FAM107B: variants seen among roughly 807,000 people sequenced by gnomAD.
FAM107B encodes the protein family with sequence similarity 107 member B.
Under a neutral mutation model 31.5 loss-of-function variants are expected in FAM107B, and 21 were observed. That is an observed-to-expected ratio of 0.67 (90% confidence interval 0.47 to 0.96). The LOEUF (loss-of-function observed/expected upper bound fraction) is 0.96, where lower values mean the gene tolerates loss of function less well. Among genes scored for constraint, FAM107B ranks in the 40% least tolerant of loss-of-function variants. FAM107B has a pLI of 0.00. For missense variants in FAM107B, 452 were observed against 377.1 expected, an observed-to-expected ratio of 1.20 and a Z score of -1.64; for synonymous variants, 157 against 141.5, an observed-to-expected ratio of 1.11 and a Z score of -0.78.
At chr10:14,682,669 C>T (rs2131496844) in intron 1 of FAM107B, among the ~76,000 whole-genome samples, 1 of 152,208 alleles carries the variant, frequency 6.6e-6, no homozygotes, top group African/African-American at 2.4e-5. Flanking sequence ...CATGTTCTCA[C>T]TTATAAGTGG....
At chr10:14,720,933 T>G (rs566457268) in intron 1 of FAM107B, among the ~76,000 whole-genome samples, 3 of 152,276 alleles carry the variant, frequency 2.0e-5, no homozygotes, top group Non-Finnish European at 4.4e-5. Flanking sequence ...CCATGTTGGT[T>G]TGCTGCACCC....
At chr10:14,697,821 T>C (rs1855302394) in intron 1 of FAM107B, among the ~76,000 whole-genome samples, 1 of 152,184 alleles carries the variant, frequency 6.6e-6, no homozygotes, top group Non-Finnish European at 1.5e-5. Context: ...TCAACTTTTG[T>C]TCTTGAAATA....
intron 2 of FAM107B, among the ~76,000 whole-genome samples, chr10:14,631,559 T>C (rs1469027433): frequency 1.3e-5 from 2 of 152,168 alleles, no homozygotes; most frequent in African/African-American, 2.4e-5. Context: ...TCCTGCCTGA[T>C]TGATTTCTAA....
At chr10:14,684,788 G>C (rs1467314448) in intron 1 of FAM107B, among the ~76,000 whole-genome samples, 3 of 151,122 alleles carry the variant, frequency 2.0e-5, no homozygotes, top group Admixed American at 1.3e-4. Flanking sequence ...ATATTGAATA[G>C]ATGATTTCCT....
chr10:14,568,559 GTAA>G (rs1850897919), intron 2 of FAM107B, among the ~76,000 whole-genome samples: 2 of 145,530 alleles, frequency 1.4e-5, no homozygotes, highest in Admixed American at 6.9e-5. Flanking sequence ...AGATACTCAG[GTAA>G]GAGGAGGCTG....
chr10:14,635,531 G>A (rs570634746), intron 2 of FAM107B, among the ~76,000 whole-genome samples: 3 of 152,196 alleles, frequency 2.0e-5, no homozygotes, highest in Non-Finnish European at 2.9e-5. Flanking sequence ...CCCATACCAC[G>A]AAGTTCTGCT....
chr10:14,757,826 A>G (rs1281722412), intron 1 of FAM107B, among the ~76,000 whole-genome samples: 1 of 152,208 alleles, frequency 6.6e-6, no homozygotes, highest in Non-Finnish European at 1.5e-5. Flanking sequence ...TCCATTCTAG[A>G]GAAGGAAGGA....
intron 1 of FAM107B, among the ~76,000 whole-genome samples, chr10:14,750,017 C>G (rs1414049021): frequency 6.6e-6 from 1 of 152,154 alleles, no homozygotes; most frequent in Non-Finnish European, 1.5e-5. Context: ...CCTAAGGCAC[C>G]TGGGAACTCC....
chr10:14,570,228 T>TGGTG (rs961016496), intron 2 of FAM107B, among the ~76,000 whole-genome samples: 12 of 117,628 alleles, frequency 1.0e-4, no homozygotes, highest in East Asian at 8.2e-4. Context: ...CAAAAAAATG[T>TGGTG]GGTGGGTGTG....
At position 14,618,270 on chromosome 10, in the gene FAM107B, A is replaced by G. The variant is rs996899201; in HGVS notation, c.469+49364T>C. ...TCTTTTTATTTCCAAGTGGTATTCC[A>G]TTGTATTGTTTATCTCAGTTTATCC... On this transcript the variant is annotated intron_variant, in intron 2 of 4. Coordinates refer to ENST00000181796, the MANE Select transcript of FAM107B (RefSeq NM_031453.4). Among the ~76,000 whole-genome samples the G allele has an allele frequency of 3.3e-5, 5 of 152,222 alleles. No homozygotes were observed. The East Asian group carries it at 5.8e-4, about 18-fold the overall frequency.
chr10:14,571,556 C>T (rs1851228838), intron 2 of FAM107B, among the ~76,000 whole-genome samples: 1 of 152,150 alleles, frequency 6.6e-6, no homozygotes, highest in Admixed American at 6.5e-5. Context: ...AAAAATAGTT[C>T]ACAACTACAC....
intron 2 of FAM107B, among the ~76,000 whole-genome samples, chr10:14,607,042 C>CA: frequency 6.6e-6 from 1 of 152,170 alleles, no homozygotes; most frequent in East Asian, 1.9e-4. Flanking sequence ...CTTCTCCATA[C>CA]AAAGTAGCCT....
chr10:14,597,481 G>C (rs1419720945), intron 2 of FAM107B, among the ~76,000 whole-genome samples: 1 of 152,118 alleles, frequency 6.6e-6, no homozygotes, highest in Non-Finnish European at 1.5e-5. Flanking sequence ...CAAAACTCTT[G>C]TCCAAGAATG....
intron 2 of FAM107B, among the ~76,000 whole-genome samples, chr10:14,571,508 G>A (rs1851223029): frequency 6.6e-6 from 1 of 152,150 alleles, no homozygotes. Context: ...TCCAGAGTTT[G>A]ACAGACATGG....
At chr10:14,576,171 T>C (rs191975751) in intron 2 of FAM107B, among the ~76,000 whole-genome samples, 261 of 152,318 alleles carry the variant, frequency 1.7e-3, no homozygotes, top group African/African-American at 6.1e-3. Context: ...GTGGAGATGG[T>C]TGCACGGCAG....
At chr10:14,681,165 G>T (rs558808937) in intron 1 of FAM107B, among the ~76,000 whole-genome samples, 4 of 152,234 alleles carry the variant, frequency 2.6e-5, no homozygotes, top group South Asian at 2.1e-4. Flanking sequence ...AAAGTCTGGT[G>T]TGTGTTCAAA....
intron 2 of FAM107B, among the ~76,000 whole-genome samples, chr10:14,658,043 C>T (rs1432478224): frequency 1.3e-5 from 2 of 152,150 alleles, no homozygotes; most frequent in Non-Finnish European, 2.9e-5. Context: ...AACTCCTGGG[C>T]TCAAGCAATC....
intron 1 of FAM107B, among the ~76,000 whole-genome samples, chr10:14,758,057 GTC>G (rs1564290311): frequency 1.3e-5 from 2 of 152,174 alleles, no homozygotes; most frequent in Non-Finnish European, 2.9e-5. Context: ...GGGAAAAAAA[GTC>G]TCTGTGCAGC....
At chr10:14,641,481 C>T (rs74122870) in intron 2 of FAM107B, among the ~76,000 whole-genome samples, 4,322 of 152,186 alleles carry the variant, frequency 0.028, 205 homozygotes, top group African/African-American at 0.097. Context: ...AACGGAAATT[C>T]ATTTTCTCAG....
Sources: gnomAD v4.1 joint callset for allele counts (sites outside exome capture counted in the v4.1 genomes callset) on GRCh38, gnomAD v4.1.1 for gene constraint, MANE v1.5 for transcripts, NCBI Gene and HGNC (gene_info 2026-07-23, HGNC 2026-07-21) for gene names.